Variants in EPS8L1 observed in about 807,000 individuals in gnomAD.
The protein encoded by EPS8L1 is EPS8 signaling adaptor L1.
A neutral mutation model predicts 91.7 loss-of-function variants in EPS8L1; 101 were observed. That is an observed-to-expected ratio of 1.10 (90% CI 0.94 to 1.30). The LOEUF (loss-of-function observed/expected upper bound fraction) is 1.30, where lower values mean the gene tolerates loss of function less well. Among genes scored for constraint, EPS8L1 ranks in the 50% most tolerant of loss-of-function variants. The pLI, the probability that EPS8L1 is intolerant of heterozygous loss-of-function variation, is 0.00. For synonymous variants in EPS8L1, 506 were observed against 445.3 expected (o/e 1.14, Z -1.72); for missense variants, 1,114 against 1,017.0 (o/e 1.10, Z -1.30).
intron 6 of EPS8L1, 112 bp from the exon 7 acceptor site, chr19:55,080,660 G>T: frequency 6.4e-7 from 1 of 1,566,426 alleles, no homozygotes; most frequent in Non-Finnish European, 8.7e-7. Context: ...TCACAGGTGT[G>T]AACGGTAGCC....
Position 55,083,468 on chromosome 19 carries a change from C to T in EPS8L1, c.1305C>T (p.Ala435=). The change falls in exon 13 of 20, where the codon GCC becomes GCT. Residue 435 remains alanine (A), a synonymous_variant. Transcript: ENST00000201647. This position sits in a 1 kb window ranked among gnomAD's most constrained non-coding sequence, Gnocchi z 4.7. ...CGGTCACTGACCCGCAGAGCCGCGC[C>T]TGGGAGGACCCAGTTGAGAAACAGC... ...EPPVTDPQSR[A]WEDPVEKQLQ... is the part of the protein sequence containing the mutation. 2 of 1,612,578 alleles carry T rather than the reference C, an allele frequency of 1.2e-6. No homozygotes were observed. The highest frequency in any genetic ancestry group is 1.7e-6 in the Non-Finnish European group (2 of 1,179,786).
intron 14 of EPS8L1, chr19:55,085,610 A>G: frequency 2.3e-6 from 1 of 425,920 alleles, no homozygotes; most frequent in Non-Finnish European, 4.2e-6. Context: ...TGTAAAATGG[A>G]ATCGATGGTG....
At chr19:55,085,081 C>A (rs2076341105) in intron 14 of EPS8L1, among the ~76,000 whole-genome samples, 1 of 152,200 alleles carries the variant, frequency 6.6e-6, no homozygotes, top group Non-Finnish European at 1.5e-5. Flanking sequence ...AGTCCAAATT[C>A]ATGGTTCTAC....
intron 17 of EPS8L1, 53 bp downstream of exon 17, chr19:55,086,571 G>A (rs2076354698): frequency 2.6e-6 from 4 of 1,540,944 alleles, no homozygotes; most frequent in African/African-American, 2.7e-5. Context: ...TTGCTTTCCA[G>A]GCAGAGAAAC....
At chr19:55,080,728 T>C (rs758396313) in intron 6 of EPS8L1, 44 bp from the exon 7 acceptor site, 1 of 1,597,210 alleles carries the variant, frequency 6.3e-7, no homozygotes, top group South Asian at 1.1e-5. Context: ...GGGTAGGAAG[T>C]GGGTGCGGCG....
intron 4 of EPS8L1, among the ~76,000 whole-genome samples, chr19:55,079,263 C>T (rs749672465): frequency 6.6e-6 from 1 of 152,186 alleles, no homozygotes; most frequent in South Asian, 2.1e-4. Context: ...CCAGCCTTTC[C>T]TCCAGGCCAG....
At chr19:55,077,624 C>T (rs141662297) in intron 2 of EPS8L1, among the ~76,000 whole-genome samples, 2 of 124,068 alleles carry the variant, frequency 1.6e-5, no homozygotes, top group South Asian at 5.5e-4. Flanking sequence ...GAGTCTCACT[C>T]TGCTGCCAGG....
rs200858809 is a variant in EPS8L1 at position 55,081,916 on chromosome 19, C to A, written c.901+17C>A. The A allele has an allele frequency of 4.4e-5, 70 of 1,601,838 alleles. No homozygotes were observed. In the Middle Eastern group the frequency reaches 5.0e-4, roughly 11 times the overall value. On this transcript the variant is annotated intron_variant, in intron 9 of 19. Coordinates refer to ENST00000201647, the MANE Select transcript of EPS8L1 (RefSeq NM_133180.3). The surrounding 1 kb of genome is among the most constrained non-coding windows in gnomAD (Gnocchi z 4.9). ...CGGCTGGGGGTAAGGGGCACCCTGG[C>A]GTGGGATCTGAACCCCCTCCCGATC...
At chr19:55,087,235 G>C in intron 18 of EPS8L1, 68 bp from the exon 19 acceptor site, 1 of 1,528,848 alleles carries the variant, frequency 6.5e-7, no homozygotes. Context: ...CCGGGTGGGC[G>C]TGACATGATT....
In EPS8L1 at chr19:55,087,576, A is replaced by C. The variant is rs1293815581; in HGVS notation, c.2134A>C (p.Lys712Gln). The C allele has an allele frequency of 6.2e-7, 1 of 1,614,076 alleles. No individual in the cohort carries two copies. Among genetic ancestry groups the C allele is most frequent in the African/African-American group, 1.3e-5 (1 of 74,990 alleles). Reference protein sequence around the residue: ...ELEAVMEKQKKKVEGEVEMEV... With the variant: ...ELEAVMEKQKQKVEGEVEMEV... Reference sequence around the variant, plus strand: ...GGAGGCAGTGATGGAGAAGCAAAAGAAGAAGGTGGAAGGCGAGGTGGAAAT... The same window carrying C: ...GGAGGCAGTGATGGAGAAGCAAAAGCAGAAGGTGGAAGGCGAGGTGGAAAT... The change falls in exon 20 of 20, where the codon AAG (lysine) becomes CAG (glutamine). Residue 712 changes from lysine to glutamine, a missense_variant. Transcript: ENST00000201647.
chr19:55,080,467 G>C (rs944490362), intron 6 of EPS8L1, 189 bp downstream of exon 6: 2 of 1,613,354 alleles, frequency 1.2e-6, no homozygotes, highest in African/African-American at 2.7e-5. Context: ...CCAGGGTCAA[G>C]ATAGAACATG....
Position 55,081,574 on chromosome 19 carries a change from C to T in EPS8L1, c.774+82C>T, listed in dbSNP as rs2076262674. 4 of 1,364,998 alleles carry T rather than the reference C, an allele frequency of 2.9e-6. No individual in the cohort carries two copies. Among genetic ancestry groups the T allele is most frequent in the East Asian group, 2.6e-5 (1 of 38,156 alleles). The allele number at this position is 1,364,998 out of a possible 1,614,324, so 84.6% of individuals were successfully genotyped here. ...GGGCGTGGAAGGGCGGGGCCGGCTG[C>T]GGGACGGGCGTTCTCTGGTCAGACT... On this transcript the variant is annotated intron_variant, in intron 8 of 19. Coordinates refer to ENST00000201647, the MANE Select transcript of EPS8L1 (RefSeq NM_133180.3). This position sits in a 1 kb window ranked among gnomAD's most constrained non-coding sequence, Gnocchi z 4.9.
At chr19:55,082,414 G>A in intron 11 of EPS8L1, 40 bp from the exon 12 acceptor site, 3 of 1,611,722 alleles carry the variant, frequency 1.9e-6, no homozygotes, top group Non-Finnish European at 2.5e-6. Context: ...ACTTGTAGAA[G>A]GTGTGGCGGC....
intron 1 of EPS8L1, among the ~76,000 whole-genome samples, 184 bp downstream of exon 1, chr19:55,076,103 G>T (rs796363302): frequency 2.9e-4 from 21 of 71,322 alleles, no homozygotes; most frequent in African/African-American, 4.4e-4. Flanking sequence ...GGGGCTGAGG[G>T]CCTGGACTCC....
At position 55,083,765 on chromosome 19, in the gene EPS8L1, A is replaced by C; in HGVS notation, c.1385+121A>C. On this transcript the variant is annotated intron_variant, in intron 14 of 19. Coordinates refer to ENST00000201647, the MANE Select transcript of EPS8L1 (RefSeq NM_133180.3). The surrounding 1 kb of genome is among the most constrained non-coding windows in gnomAD (Gnocchi z 4.7). ...TCCTTCTGTCTTCCTGGCTCTTCTC[A>C]GGTGGGTGAGATGGTGATGGGGCGG... 1 of 823,970 alleles carries C rather than the reference A, an allele frequency of 1.2e-6. No homozygotes were observed. The highest frequency in any genetic ancestry group is 1.7e-6 in the Non-Finnish European group (1 of 596,080). 51.0% of individuals were successfully genotyped at this position (823,970 alleles called of 1,614,324 possible).
At position 55,080,253 on chromosome 19, in the gene EPS8L1, A is replaced by G; in HGVS notation, c.404A>G (p.His135Arg). ...QEPERAQPDV[H>R]FFQGLRLGAE... ...CCCGAGCGCGCGCAGCCCGACGTGC[A>G]CTTCTTCCAGGGCCTGCGCCTCGGG... The change falls in exon 6 of 20, where the codon CAC (histidine) becomes CGC (arginine). Residue 135 changes from histidine to arginine, a missense_variant. By Grantham distance (29) the His-to-Arg change is conservative (BLOSUM62 0). Coordinates refer to ENST00000201647, the MANE Select transcript of EPS8L1 (RefSeq NM_133180.3). 7.2e-6 allele frequency: 11 copies of G among 1,534,982 alleles called. No individual in the cohort carries two copies. Among genetic ancestry groups the G allele is most frequent in the Non-Finnish European group, 8.8e-6 (10 of 1,135,776 alleles).
rs2076215706 is a variant in EPS8L1, at chr19:55,079,830, G to A, written c.258G>A (p.Thr86=). ...MLLRVSPDHV[T]LLDPASKEEL... The stretch of plus-strand genomic sequence containing the variant: ...TGCGAGTGTCTCCCGACCATGTCAC[G>A]CTGCTCGACCCGGCCTCCAAGGTGC... The change falls in exon 5 of 20, where the codon ACG becomes ACA. Residue 86 remains threonine, a synonymous_variant. Transcript: ENST00000201647. 3 of 1,613,378 alleles carry A rather than the reference G, an allele frequency of 1.9e-6. No individual in the cohort carries two copies. The highest frequency in any genetic ancestry group is 2.5e-6 in the Non-Finnish European group (3 of 1,179,732).
chr19:55,080,973 T>G, intron 7 of EPS8L1, 119 bp downstream of exon 7: 2 of 1,011,300 alleles, frequency 2.0e-6, no homozygotes, highest in Non-Finnish European at 2.9e-6. Context: ...CACACCCTAG[T>G]CGAGTCTTGT....
Position 55,086,058 on chromosome 19 carries a change from C to A in EPS8L1, c.1519-3C>A. ...TGAACCCTCTGTTCTTTACCACACC[C>A]AGGTCCTGGATGACAGTCGTAAGTG... On this transcript the variant is annotated splice_polypyrimidine_tract_variant and splice_region_variant and intron_variant, in intron 15 of 19. Transcript: ENST00000201647. 6.3e-7 allele frequency: 1 copy of A among 1,594,688 alleles called. No homozygotes were observed. The highest frequency in any genetic ancestry group is 8.6e-7 in the Non-Finnish European group (1 of 1,167,266).
Sources: gnomAD v4.1 joint callset for allele counts (sites outside exome capture counted in the v4.1 genomes callset) on GRCh38, gnomAD v4.1.1 for gene constraint, Gnocchi (gnomAD v3.1) non-coding constraint, MANE v1.5 for transcripts, NCBI Gene and HGNC (gene_info 2026-07-23, HGNC 2026-07-21) for gene names.